Variants in ARHGEF18 observed in about 807,000 individuals in gnomAD.
ARHGEF18 encodes the protein rho guanine nucleotide exchange factor 18.
In ARHGEF18, 93 loss-of-function variants were observed where a neutral mutation model predicts 155.7. That is an observed-to-expected ratio of 0.60 (90% CI 0.50 to 0.71). The LOEUF (loss-of-function observed/expected upper bound fraction) is 0.71. Among genes scored for constraint, ARHGEF18 ranks in the 30% least tolerant of loss-of-function variants. The probability of loss-of-function intolerance (pLI) is 0.00; values close to 1 mark genes in which losing one functional copy is unlikely to be tolerated. For synonymous variants in ARHGEF18, 742 were observed against 753.1 expected (o/e 0.99, Z 0.24); for missense variants, 1,593 against 1,816.1 (o/e 0.88, Z 2.23).
intron 2 of ARHGEF18, among the ~76,000 whole-genome samples, chr19:7,367,979 G>GA (rs1270963562): frequency 1.3e-5 from 1 of 76,316 alleles, no homozygotes; most frequent in Non-Finnish European, 2.3e-5. Flanking sequence ...AGGAAAGAAA[G>GA]AGAGAGAGAG....
chr19:7,367,746 C>CAAA lies in ARHGEF18; in HGVS notation c.15+4852_15+4854dup, dbSNP rs776839774. 2.5e-4 allele frequency among the ~76,000 whole-genome samples: 9 copies of CAAA among 36,350 alleles called. 2 individuals are homozygous for CAAA. Among genetic ancestry groups the CAAA allele is most frequent in the African/African-American group, 1.1e-3 (7 of 6,200 alleles). 23.8% of individuals were successfully genotyped at this position (36,350 alleles called of 152,430 possible). On this transcript the variant is annotated intron_variant, in intron 2 of 28. Coordinates refer to ENST00000668164, the MANE Select transcript of ARHGEF18 (RefSeq NM_001367823.1). ...AGGCAACAAGAGTGAAACTCCATCT[C>CAAA]AAAAAAAAAAAAATATATATATATA...
At position 7,395,475 on chromosome 19, in the gene ARHGEF18, C is replaced by T. The variant is rs1971646651; in HGVS notation, c.967+12272C>T. ...CAGGGTGCAGAGGTGCAGACGATGC[C>T]CGCCCGCTCCGTCCGAGCCCCAGCC... On this transcript the variant is annotated intron_variant, in intron 10 of 28. Coordinates refer to ENST00000668164, the MANE Select transcript of ARHGEF18 (RefSeq NM_001367823.1). This position sits in a 1 kb window ranked among gnomAD's most constrained non-coding sequence, Gnocchi z 5.0. 6.6e-6 allele frequency among the ~76,000 whole-genome samples: 1 copy of T among 152,094 alleles called. No individual in the cohort carries two copies. Among genetic ancestry groups the T allele is most frequent in the Non-Finnish European group, 1.5e-5 (1 of 67,994 alleles).
the ARHGEF18 span, chr19:7,478,342 G>A: frequency 6.2e-7 from 1 of 1,611,266 alleles, no homozygotes; most frequent in Non-Finnish European, 8.5e-7. Flanking sequence ...GGGCTCCGCA[G>A]CCTCTGTCTC....
intron 10 of ARHGEF18, among the ~76,000 whole-genome samples, chr19:7,401,840 G>C (rs1268958855): frequency 6.6e-6 from 1 of 152,170 alleles, no homozygotes; most frequent in Non-Finnish European, 1.5e-5. Context: ...ATGTTCATCA[G>C]CTGAGGAACG....
chr19:7,349,457 G>A (rs1183891747), intron 1 of ARHGEF18, among the ~76,000 whole-genome samples: 2 of 152,090 alleles, frequency 1.3e-5, no homozygotes, highest in Non-Finnish European at 2.9e-5. Flanking sequence ...CAGGGGACGG[G>A]GATCCTTGAG....
At chr19:7,469,812 G>A in intron 27 of ARHGEF18, 92 bp from the exon 28 acceptor site, 3 of 1,483,788 alleles carry the variant, frequency 2.0e-6, no homozygotes, top group Non-Finnish European at 2.7e-6. Context: ...GTCAGGTGGG[G>A]GTGGCCAGGC....
chr19:7,466,842 G>GAAGAAGAAA (rs1976651938), intron 23 of ARHGEF18, 76 bp from the exon 24 acceptor site: 16 of 687,404 alleles, frequency 2.3e-5, no homozygotes, highest in South Asian at 5.9e-5. Flanking sequence ...AAAAAAAGAA[G>GAAGAAGAAA]AAGAAGAAGA....
intron 3 of ARHGEF18, among the ~76,000 whole-genome samples, chr19:7,373,623 G>A (rs752676511): frequency 1.1e-4 from 17 of 151,482 alleles, no homozygotes; most frequent in Middle Eastern, 3.4e-3. Flanking sequence ...TTACAGGCAC[G>A]CACCACCACA....
intron 3 of ARHGEF18, among the ~76,000 whole-genome samples, chr19:7,374,220 C>T (rs1036940689): frequency 1.3e-5 from 2 of 152,118 alleles, no homozygotes; most frequent in African/African-American, 2.4e-5. Context: ...AGGTCACAGA[C>T]TAGTACCAGT....
chr19:7,460,776 A>AT (rs955845774), intron 20 of ARHGEF18, among the ~76,000 whole-genome samples: 7 of 149,196 alleles, frequency 4.7e-5, no homozygotes, highest in South Asian at 2.1e-4. Flanking sequence ...CACTGTCTGT[A>AT]TTTTTTTTTA....
chr19:7,426,348 G>A (rs369235256), intron 10 of ARHGEF18, among the ~76,000 whole-genome samples: 6 of 151,532 alleles, frequency 4.0e-5, no homozygotes, highest in African/African-American at 1.2e-4. Flanking sequence ...TTAGCCGGGC[G>A]TGGTGGAACG....
rs200343726 is a variant in ARHGEF18, at chr19:7,470,240, C to T, written c.4028C>T (p.Pro1343Leu). 5.0e-4 allele frequency: 797 copies of T among 1,606,508 alleles called. 3 individuals carry two copies. Among genetic ancestry groups the T allele is most frequent in the Admixed American group, 2.9e-4 (17 of 58,306 alleles). The change falls in exon 29 of 29, where the codon CCG becomes CTG. Residue 1343 changes from proline to leucine, a missense_variant. Coordinates refer to ENST00000668164, the MANE Select transcript of ARHGEF18 (RefSeq NM_001367823.1). This position sits in a 1 kb window ranked among gnomAD's most constrained non-coding sequence, Gnocchi z 5.9. ...LPGPPAPSPLPATPLSAKEDA... is the reference protein window; with the variant it reads ...LPGPPAPSPLLATPLSAKEDA... The stretch of plus-strand genomic sequence containing the variant: ...GGGCCCCCAGCTCCCTCGCCACTGC[C>T]GGCCACACCACTCAGCGCCAAGGAG...
At position 7,449,342 on chromosome 19, in the gene ARHGEF18, G is replaced by A. The variant is rs115399983; in HGVS notation, c.1738-1807G>A. ...ATCCCAGCACTTTTGGGGAGGCCAA[G>A]GCAGGCGGATCACTTGAGCCCAGGA... On this transcript the variant is annotated intron_variant, in intron 15 of 28. Coordinates refer to ENST00000668164, the MANE Select transcript of ARHGEF18 (RefSeq NM_001367823.1). Among the ~76,000 whole-genome samples the A allele has an allele frequency of 2.2e-3, 335 of 152,202 alleles. 2 individuals are homozygous for A. Among genetic ancestry groups the A allele is most frequent in the African/African-American group, 7.8e-3 (323 of 41,524 alleles).
At chr19:7,434,029 A>G (rs1284315172) in intron 10 of ARHGEF18, among the ~76,000 whole-genome samples, 2 of 120,494 alleles carry the variant, frequency 1.7e-5, no homozygotes, top group Non-Finnish European at 3.5e-5. Context: ...TTAAAAAAAA[A>G]AAAAAAAAGA....
intron 16 of ARHGEF18, among the ~76,000 whole-genome samples, chr19:7,451,835 C>G (rs1203822545): frequency 6.6e-6 from 1 of 152,104 alleles, no homozygotes; most frequent in African/African-American, 2.4e-5. Flanking sequence ...GATTCTCCTG[C>G]CTCAGACTCC....
At position 7,376,385 on chromosome 19, in the gene ARHGEF18, G is replaced by A. The variant is rs545192753; in HGVS notation, c.427-258G>A. ...GGGAAATTCCTGGCCATTGTTGGAA[G>A]CTGTGGCTCTGATACCTGGGGCTCC... On this transcript the variant is annotated intron_variant, in intron 4 of 28. Coordinates refer to ENST00000668164, the MANE Select transcript of ARHGEF18 (RefSeq NM_001367823.1). 2.0e-5 allele frequency among the ~76,000 whole-genome samples: 3 copies of A among 152,270 alleles called. No individual in the cohort carries two copies. The South Asian group carries it at 6.2e-4, about 32-fold the overall frequency.
chr19:7,375,576 C>G, intron 3 of ARHGEF18, 144 bp from the exon 4 acceptor site: 2 of 753,592 alleles, frequency 2.7e-6, no homozygotes, highest in Non-Finnish European at 3.6e-6. Context: ...ATTGGGAGGT[C>G]TGGACCCCTT....
At chr19:7,397,681 C>T (rs963205143) in intron 10 of ARHGEF18, among the ~76,000 whole-genome samples, 3 of 151,322 alleles carry the variant, frequency 2.0e-5, no homozygotes, top group Non-Finnish European at 4.4e-5. Flanking sequence ...TGCAGTGAGC[C>T]GAGATCGTGC....
chr19:7,385,440 CTTCA>C (rs1333953372), intron 10 of ARHGEF18, among the ~76,000 whole-genome samples: 8 of 141,008 alleles, frequency 5.7e-5, no homozygotes, highest in African/African-American at 2.1e-4. Flanking sequence ...CATCTGGGAA[CTTCA>C]TTATTATTAT....
Sources: gnomAD v4.1 joint callset for allele counts (sites outside exome capture counted in the v4.1 genomes callset) on GRCh38, gnomAD v4.1.1 for gene constraint, Gnocchi (gnomAD v3.1) non-coding constraint, MANE v1.5 for transcripts, NCBI Gene and HGNC (gene_info 2026-07-23, HGNC 2026-07-21) for gene names.